SYNM: variants seen among roughly 807,000 people sequenced by gnomAD.
The protein encoded by SYNM is synemin.
In SYNM, 95 loss-of-function variants were observed where a neutral mutation model predicts 104.0. The ratio of observed to expected loss-of-function variants is 0.91; its 90% CI spans 0.77 to 1.08. The LOEUF (loss-of-function observed/expected upper bound fraction) is 1.08. Ranked by LOEUF, SYNM falls within the 50% of genes least tolerant of loss-of-function variation. The pLI is 0.00. For synonymous variants in SYNM, 918 were observed against 869.0 expected (o/e 1.06, Z -0.99); for missense variants, 2,150 against 2,052.2 (o/e 1.05, Z -0.92).
rs117982208 is a variant in SYNM at position 99,121,486 on chromosome 15, G to A, written c.936-5236G>A. ...TAAGGAAGTATGAGAGACACGTGCC[G>A]CTGTCACTCGCTGCAGGCTAGCACA... On this transcript the variant is annotated intron_variant, in intron 2 of 3. Transcript: ENST00000336292. Among the ~76,000 whole-genome samples, 859 of 152,274 alleles carry A rather than the reference G, an allele frequency of 5.6e-3. 4 individuals are homozygous for A. The highest frequency in any genetic ancestry group is 8.6e-3 in the Non-Finnish European group (588 of 68,012).
At chr15:99,139,430 T>C, downstream of SYNM, 1 of 1,613,938 alleles carries the variant, frequency 6.2e-7, no homozygotes, top group South Asian at 1.1e-5. Flanking sequence ...ATCATGAGGC[T>C]ATGGAAGTGT....
At chr15:99,137,895 G>A, downstream of SYNM, 1 of 1,512,804 alleles carries the variant, frequency 6.6e-7, no homozygotes, top group South Asian at 1.3e-5. Context: ...CCAACAGTTG[G>A]CCTTGGAAAT....
At chr15:99,113,168 T>C (rs1205363811) in intron 1 of SYNM, among the ~76,000 whole-genome samples, 1 of 152,210 alleles carries the variant, frequency 6.6e-6, no homozygotes, top group Non-Finnish European at 1.5e-5. Flanking sequence ...GGAGTACATT[T>C]CAGTTCAATT....
chr15:99,122,615 C>T (rs193035673), intron 2 of SYNM, among the ~76,000 whole-genome samples: 1 of 152,140 alleles, frequency 6.6e-6, no homozygotes, highest in East Asian at 1.9e-4. Flanking sequence ...GCAGGTGGAT[C>T]GTTTGAGCCC....
In SYNM at chr15:99,105,087, G is replaced by C. The variant is rs1371195067; in HGVS notation, c.-113G>C. The C allele has an allele frequency of 6.4e-6, 8 of 1,246,710 alleles. No homozygotes were observed. The highest frequency in any genetic ancestry group is 5.7e-5 in the East Asian group (2 of 34,802). The allele number at this position is 1,246,710 out of a possible 1,614,324, so 77.2% of individuals were successfully genotyped here. The stretch of plus-strand genomic sequence containing the variant: ...CTCTCCCGCTCGCGTCCCAGTCTGC[G>C]GGCCTCCGGGGCAGCGGCGAGGCCG... On this transcript the variant is annotated 5_prime_UTR_variant, in exon 1 of 4. Transcript: ENST00000336292.
At chr15:99,124,163 G>A (rs569368467) in intron 2 of SYNM, among the ~76,000 whole-genome samples, 12 of 152,342 alleles carry the variant, frequency 7.9e-5, no homozygotes, top group African/African-American at 2.4e-4. Flanking sequence ...TTCCTCCACC[G>A]CTCTCAAAAT....
At chr15:99,119,475 A>C (rs1363632410) in intron 2 of SYNM, among the ~76,000 whole-genome samples, 2 of 152,210 alleles carry the variant, frequency 1.3e-5, no homozygotes, top group Admixed American at 1.3e-4. Flanking sequence ...CCTGGAAGAC[A>C]AGATGAAGGA....
intron 1 of SYNM, among the ~76,000 whole-genome samples, chr15:99,109,573 G>A (rs1281450120): frequency 1.3e-5 from 2 of 152,138 alleles, no homozygotes; most frequent in African/African-American, 4.8e-5. Context: ...CGCTCTTTGG[G>A]CAGGTTACGT....
In SYNM at chr15:99,131,821, C is replaced by T. The variant is rs112214271; in HGVS notation, c.3461C>T (p.Ala1154Val). Residue 1154 changes from alanine (A) to valine (V), a missense_variant, in exon 4 of 4, where the codon GCG (alanine) becomes GTG (valine). Transcript: ENST00000336292. This position sits in a 1 kb window ranked among gnomAD's most constrained non-coding sequence, Gnocchi z 4.3. ...ACTGCAGAAGTGGTGGAGGTAAGTG[C>T]GGGAGGTGACCTAAGTCAGGCAGCG... is the stretch of plus-strand genomic sequence containing the variant. ...GPTAEVVEVS[A>V]GGDLSQAASP... The T allele has an allele frequency of 5.8e-5, 94 of 1,613,836 alleles. 1 individual carries two copies. In the African/African-American group the frequency reaches 7.1e-4, roughly 12 times the overall value.
rs557680264 is a variant in SYNM, at chr15:99,124,108, CAG to C, written c.936-2613_936-2612del. 2.9e-3 allele frequency among the ~76,000 whole-genome samples: 446 copies of C among 152,360 alleles called. 3 individuals carry two copies. Among genetic ancestry groups the C allele is most frequent in the African/African-American group, 0.01 (423 of 41,578 alleles). ...GAAATGCCCACAATAGCCCATGACT[CAG>C]GGGATTGGCATTTCTCACAGTCCCC... On this transcript the variant is annotated intron_variant, in intron 2 of 3. Transcript: ENST00000336292.
At chr15:99,120,293 G>A (rs2067388074) in intron 2 of SYNM, among the ~76,000 whole-genome samples, 1 of 152,204 alleles carries the variant, frequency 6.6e-6, no homozygotes, top group Admixed American at 6.5e-5. Flanking sequence ...TGTGTCGGGT[G>A]CAGTGGGAGG....
chr15:99,132,406 C>G lies in SYNM; in HGVS notation c.4046C>G (p.Ala1349Gly), dbSNP rs2067519958. 1 of 1,613,968 alleles carries G rather than the reference C, an allele frequency of 6.2e-7. No individual in the cohort carries two copies. Among genetic ancestry groups the G allele is most frequent in the Non-Finnish European group, 8.5e-7 (1 of 1,179,886 alleles). The change falls in exon 4 of 4, where the codon GCA becomes GGA. Residue 1349 changes from alanine (A) to glycine (G), a missense_variant. Ala to Gly is a moderately conservative substitution (Grantham distance 60). Coordinates refer to ENST00000336292, the MANE Select transcript of SYNM (RefSeq NM_145728.3). The stretch of plus-strand genomic sequence containing the variant: ...AGCACTGTGCACGGAGAGGGCTCAG[C>G]AGATGTGCACCAGGCCACTCACAGT... ...SESTVHGEGS[A>G]DVHQATHSHT...
At chr15:99,116,342 A>C (rs1217768550) in intron 2 of SYNM, among the ~76,000 whole-genome samples, 1 of 152,222 alleles carries the variant, frequency 6.6e-6, no homozygotes, top group Non-Finnish European at 1.5e-5. Context: ...TATTTGGGGG[A>C]AGAAAGCATT....
In SYNM at chr15:99,130,036, A is replaced by G; in HGVS notation, c.1676A>G (p.Glu559Gly). ...ARQRESQQMK[E>G]KAKEKDSPKE... ...CAGAGAGAAAGCCAGCAGATGAAGG[A>G]GAAGGCTAAGGAGAAGGACTCACCG... is the stretch of plus-strand genomic sequence containing the variant. Residue 559 changes from glutamate to glycine, a missense_variant, in exon 4 of 4, where the codon GAG becomes GGG. Transcript: ENST00000336292. 1.2e-6 allele frequency: 2 copies of G among 1,613,900 alleles called. No homozygotes were observed. Among genetic ancestry groups the G allele is most frequent in the Admixed American group, 1.7e-5 (1 of 60,018 alleles).
At position 99,131,420 on chromosome 15, in the gene SYNM, C is replaced by G. The variant is rs781935802; in HGVS notation, c.3060C>G (p.Ser1020Arg). ...ATCGGTTAGACCTGGAGGAGCTGAG[C>G]AAAGATGAGGCCAGTGAGATGGAGA... Reference protein sequence around the residue: ...DADRLDLEELSKDEASEMEKA... With the variant: ...DADRLDLEELRKDEASEMEKA... The change falls in exon 4 of 4, where the codon AGC (serine) becomes AGG (arginine). Residue 1020 changes from serine to arginine, a missense_variant. Ser to Arg is a moderately radical substitution (Grantham distance 110). Coordinates refer to ENST00000336292, the MANE Select transcript of SYNM (RefSeq NM_145728.3). This position sits in a 1 kb window ranked among gnomAD's most constrained non-coding sequence, Gnocchi z 4.3. The G allele has an allele frequency of 6.2e-7, 1 of 1,610,938 alleles. No homozygotes were observed. Among genetic ancestry groups the G allele is most frequent in the East Asian group, 2.2e-5 (1 of 44,856 alleles).
chr15:99,106,935 G>T (rs1412784464), intron 1 of SYNM, among the ~76,000 whole-genome samples: 2 of 152,236 alleles, frequency 1.3e-5, no homozygotes, highest in African/African-American at 2.4e-5. Flanking sequence ...GTGAGTTAAA[G>T]ATTTGAGACT....
chr15:99,118,145 G>A (rs1029644352), intron 2 of SYNM, among the ~76,000 whole-genome samples: 1 of 150,840 alleles, frequency 6.6e-6, no homozygotes, highest in Non-Finnish European at 1.5e-5. Context: ...GGAGATGCCC[G>A]TTGACGAAGA....
intron 1 of SYNM, among the ~76,000 whole-genome samples, chr15:99,112,153 G>C (rs1371888470): frequency 6.6e-6 from 1 of 152,156 alleles, no homozygotes; most frequent in African/African-American, 2.4e-5. Context: ...CATCTTGCCG[G>C]GTGCCTTTGG....
At chr15:99,138,305 C>G (rs1411664991), downstream of SYNM, among the ~76,000 whole-genome samples, 1 of 151,906 alleles carries the variant, frequency 6.6e-6, no homozygotes, top group African/African-American at 2.4e-5. Context: ...TTCCTCCCAT[C>G]TTTTATTTTT....
Sources: allele counts gnomAD v4.1 joint callset (sites outside exome capture counted in the v4.1 genomes callset), GRCh38; gene constraint gnomAD v4.1.1; non-coding constraint Gnocchi (gnomAD v3.1); transcripts MANE v1.5; gene names NCBI Gene and HGNC (gene_info 2026-07-23, HGNC 2026-07-21).